The following ZNF341 variants were observed in gnomAD, a reference collection of about 807,000 sequenced individuals.
ZNF341 encodes the protein zinc finger protein 341.
In ZNF341, 52 loss-of-function variants were observed where a neutral mutation model predicts 87.7. That is an observed-to-expected ratio of 0.59 (90% CI 0.47 to 0.75). The LOEUF is 0.75. Among genes scored for constraint, ZNF341 ranks in the 30% least tolerant of loss-of-function variants. The pLI, the probability that ZNF341 is intolerant of heterozygous loss-of-function variation, is 0.00. For missense variants in ZNF341, 977 were observed against 1,145.9 expected (o/e 0.85, Z 2.13); for synonymous variants, 459 against 472.7 (o/e 0.97, Z 0.38).
chr20:33,787,990 C>T (rs2019904150), intron 12 of ZNF341: 1 of 152,556 alleles, frequency 6.6e-6, no homozygotes, highest in Non-Finnish European at 1.5e-5. Context: ...TGTGCCTTCC[C>T]AACATGGCTG....
intron 1 of ZNF341, among the ~76,000 whole-genome samples, chr20:33,737,220 C>T (rs893239997): frequency 6.6e-6 from 1 of 152,214 alleles, no homozygotes; most frequent in Non-Finnish European, 1.5e-5. Flanking sequence ...GTTACATTCA[C>T]ACAGAGCCAG....
At chr20:33,776,724 C>T (rs1448432007) in intron 10 of ZNF341, among the ~76,000 whole-genome samples, 2 of 151,998 alleles carry the variant, frequency 1.3e-5, no homozygotes, top group East Asian at 1.9e-4. Flanking sequence ...ACTGTGTTGT[C>T]CAGTCTAGAG....
At chr20:33,772,183 A>G (rs2019547465) in intron 10 of ZNF341, among the ~76,000 whole-genome samples, 1 of 152,066 alleles carries the variant, frequency 6.6e-6, no homozygotes, top group South Asian at 2.1e-4. Flanking sequence ...TGATGATGTC[A>G]TGAAATCCCC....
At chr20:33,747,073 G>A (rs2018942128) in intron 3 of ZNF341, among the ~76,000 whole-genome samples, 1 of 152,132 alleles carries the variant, frequency 6.6e-6, no homozygotes, top group African/African-American at 2.4e-5. Context: ...CGAAAACACG[G>A]TTCTGGAGCA....
intron 3 of ZNF341, among the ~76,000 whole-genome samples, chr20:33,746,967 G>A (rs1160235247): frequency 6.6e-6 from 1 of 152,126 alleles, no homozygotes; most frequent in Non-Finnish European, 1.5e-5. Context: ...TTTAAACGGA[G>A]GCAGTGACAA....
At chr20:33,788,719 G>A (rs1414564559) in intron 12 of ZNF341, 144 bp from the exon 13 acceptor site, 1 of 716,544 alleles carries the variant, frequency 1.4e-6, no homozygotes, top group Non-Finnish European at 2.6e-6. Flanking sequence ...GCAAAACAAA[G>A]CCACTGAAGA....
chr20:33,786,586 T>C (rs2019867779), intron 12 of ZNF341, among the ~76,000 whole-genome samples: 1 of 152,182 alleles, frequency 6.6e-6, no homozygotes, highest in African/African-American at 2.4e-5. Context: ...TGTATATTTC[T>C]CCACAATAAA....
chr20:33,758,581 T>C (rs1215682218), intron 6 of ZNF341, 135 bp from the exon 7 acceptor site: 8 of 649,718 alleles, frequency 1.2e-5, no homozygotes, highest in Non-Finnish European at 2.2e-5. Context: ...CCATGTCTCC[T>C]CCCTGGCCTG....
At chr20:33,749,543 C>A (rs191991025) in intron 4 of ZNF341, among the ~76,000 whole-genome samples, 234 of 152,248 alleles carry the variant, frequency 1.5e-3, no homozygotes, top group Non-Finnish European at 2.5e-3. Flanking sequence ...GTGAGCCCCC[C>A]ACCTCAGCCT....
intron 10 of ZNF341, among the ~76,000 whole-genome samples, chr20:33,775,377 AT>A (rs757920617): frequency 6.6e-6 from 1 of 151,274 alleles, no homozygotes; most frequent in African/African-American, 2.4e-5. Context: ...TGCCCCGCTA[AT>A]TTTTTGTATT....
At chr20:33,751,758 G>A (rs2019060275) in intron 4 of ZNF341, among the ~76,000 whole-genome samples, 1 of 151,928 alleles carries the variant, frequency 6.6e-6, no homozygotes, top group Admixed American at 6.6e-5. Flanking sequence ...TGTATTTTTA[G>A]TAGAGATGGG....
intron 2 of ZNF341, among the ~76,000 whole-genome samples, chr20:33,742,961 G>A (rs1427020249): frequency 6.6e-6 from 1 of 151,798 alleles, no homozygotes; most frequent in Non-Finnish European, 1.5e-5. Context: ...AGAGTGGTGT[G>A]CACTATGATC....
intron 10 of ZNF341, among the ~76,000 whole-genome samples, chr20:33,777,322 CAAAAAAAAAAA>C (rs71192713): frequency 1.5e-4 from 5 of 32,670 alleles, no homozygotes; most frequent in East Asian, 2.2e-3. Context: ...GACCCTATCT[CAAAAAAAAAAA>C]AAAAAAAAAA....
At chr20:33,789,433 C>G in intron 13 of ZNF341, 85 bp from the exon 14 acceptor site, 1 of 1,401,688 alleles carries the variant, frequency 7.1e-7, no homozygotes, top group Non-Finnish European at 1.0e-6. Flanking sequence ...ACAAGGCTGT[C>G]CCTTGTGCCC....
At chr20:33,771,887 C>T (rs1271837582) in intron 10 of ZNF341, among the ~76,000 whole-genome samples, 1 of 151,374 alleles carries the variant, frequency 6.6e-6, no homozygotes, top group African/African-American at 2.4e-5. Flanking sequence ...TGTTGGCACG[C>T]ACCCGTAGTC....
chr20:33,757,183 C>T lies in ZNF341; in HGVS notation c.777C>T (p.Pro259=). 6.6e-7 allele frequency: 1 copy of T among 1,510,740 alleles called. No homozygotes were observed. Among genetic ancestry groups the T allele is most frequent in the Non-Finnish European group, 8.9e-7 (1 of 1,129,364 alleles). The allele number at this position is 1,510,740 out of a possible 1,614,324, so 93.6% of individuals were successfully genotyped here. ...PNQCVEPPVY[P]TPTVYSPGKQ... is the part of the protein sequence containing the mutation. ...AGTGTGTGGAGCCTCCAGTATATCC[C>T]ACCCCCACAGTGTACAGCCCTGGCA... The change falls in exon 6 of 15, where the codon CCC becomes CCT. Residue 259 remains proline (P), a synonymous_variant. Coordinates refer to ENST00000375200, the MANE Select transcript of ZNF341 (RefSeq NM_001282933.2).
At chr20:33,780,446 C>T (rs536732770) in intron 10 of ZNF341, among the ~76,000 whole-genome samples, 1 of 152,126 alleles carries the variant, frequency 6.6e-6, no homozygotes, top group South Asian at 2.1e-4. Flanking sequence ...CTCACTCTGC[C>T]GCCCAGGCTG....
intron 1 of ZNF341, among the ~76,000 whole-genome samples, chr20:33,740,320 A>C (rs148560434): frequency 8.5e-4 from 129 of 152,324 alleles, no homozygotes; most frequent in African/African-American, 3.0e-3. Context: ...ACTTTCCAGA[A>C]GCTGCCACAT....
intron 12 of ZNF341, chr20:33,788,489 G>A: frequency 7.0e-6 from 2 of 286,932 alleles, no homozygotes; most frequent in Non-Finnish European, 6.9e-6. Context: ...TGCGGACCTG[G>A]CTGGCTCGCT....
Sources: allele counts gnomAD v4.1 joint callset (sites outside exome capture counted in the v4.1 genomes callset), GRCh38; gene constraint gnomAD v4.1.1; transcripts MANE v1.5; gene names NCBI Gene and HGNC (gene_info 2026-07-23, HGNC 2026-07-21).